PLPP3: variants seen among roughly 807,000 people sequenced by gnomAD.
PLPP3 encodes phospholipid phosphatase 3.
PLPP3 carries 6 observed loss-of-function variants against 29.6 expected under a neutral mutation model. That is an observed-to-expected ratio of 0.20 (90% CI 0.11 to 0.40). The LOEUF is 0.40. PLPP3 is among the 10% of genes least tolerant of loss of function. PLPP3 has a pLI of 1.00. For missense variants in PLPP3, 308 were observed against 407.7 expected (o/e 0.76, Z 2.11); for synonymous variants, 152 against 159.7 (o/e 0.95, Z 0.36).
chr1:56,562,106 G>C (rs535586274), intron 1 of PLPP3, among the ~76,000 whole-genome samples: 4 of 149,500 alleles, frequency 2.7e-5, no homozygotes, highest in Non-Finnish European at 5.9e-5. Context: ...AGAAAGAATG[G>C]CATGGTAGAA....
intron 5 of PLPP3, among the ~76,000 whole-genome samples, chr1:56,504,244 G>A (rs750348650): frequency 1.3e-5 from 2 of 152,170 alleles, no homozygotes; most frequent in African/African-American, 4.8e-5. Context: ...GTGGGAGGAC[G>A]GCTTGAGCCC....
At chr1:56,545,774 A>G (rs1434980493) in intron 1 of PLPP3, among the ~76,000 whole-genome samples, 1 of 152,020 alleles carries the variant, frequency 6.6e-6, no homozygotes, top group Admixed American at 6.6e-5. Context: ...TACACAAAAC[A>G]CCCCGTCTAT....
chr1:56,527,107 C>T (rs78616610), intron 2 of PLPP3, among the ~76,000 whole-genome samples: 10,886 of 152,204 alleles, frequency 0.072, 466 homozygotes, highest in Admixed American at 0.14. Flanking sequence ...TTTAGGGAGA[C>T]GGGGTTTGAT....
chr1:56,506,052 C>T (rs1418978), intron 5 of PLPP3, among the ~76,000 whole-genome samples: 92,316 of 152,080 alleles, frequency 0.61, 32,286 homozygotes, highest in Non-Finnish European at 0.77. Flanking sequence ...GGGCAAAGAG[C>T]TAGACTTCTG....
intron 1 of PLPP3, among the ~76,000 whole-genome samples, chr1:56,556,268 T>C (rs1646075889): frequency 6.6e-6 from 1 of 152,174 alleles, no homozygotes; most frequent in Non-Finnish European, 1.5e-5. Flanking sequence ...ATATGACTGG[T>C]GTCCCTATAA....
chr1:56,556,981 A>G lies in PLPP3; in HGVS notation c.140-19869T>C, dbSNP rs943426882. ...AAGAAAGAAAGAAAGAAAGAAAGAA[A>G]GAAAGAAAGAAAGAAAGAAAGAAAG... On this transcript the variant is annotated intron_variant, in intron 1 of 5. Transcript: ENST00000371250. Among the ~76,000 whole-genome samples the G allele has an allele frequency of 8.1e-3, 48 of 5,918 alleles. 2 individuals are homozygous for G. Among genetic ancestry groups the G allele is most frequent in the Non-Finnish European group, 0.014 (29 of 2,138 alleles). The allele number at this position is 5,918 out of a possible 152,430, so 3.9% of individuals were successfully genotyped here. A position where few individuals can be genotyped will look rare whatever the true frequency, so the allele number is the denominator to read the frequency against.
intron 1 of PLPP3, among the ~76,000 whole-genome samples, chr1:56,563,908 G>A (rs79789137): frequency 0.016 from 2,375 of 152,262 alleles, 34 homozygotes; most frequent in Non-Finnish European, 0.024. Context: ...TGGAGTTCAC[G>A]TCTATCCTCT....
chr1:56,528,241 G>T (rs535715907), intron 2 of PLPP3, among the ~76,000 whole-genome samples: 2 of 152,220 alleles, frequency 1.3e-5, no homozygotes, highest in African/African-American at 4.8e-5. Context: ...AGCTACAAGG[G>T]GACAGAAAGG....
chr1:56,509,660 T>C (rs898833472), intron 5 of PLPP3, among the ~76,000 whole-genome samples: 10 of 151,704 alleles, frequency 6.6e-5, no homozygotes, highest in Admixed American at 6.6e-4. Flanking sequence ...GCCAACACAG[T>C]GAAACCCCAT....
intron 1 of PLPP3, among the ~76,000 whole-genome samples, chr1:56,567,677 G>A (rs527284990): frequency 1.2e-3 from 178 of 152,230 alleles, no homozygotes; most frequent in African/African-American, 4.1e-3. Flanking sequence ...GATTACAGGC[G>A]TGAGCCACAG....
At chr1:56,567,988 A>C (rs6661359) in intron 1 of PLPP3, among the ~76,000 whole-genome samples, 12,486 of 152,294 alleles carry the variant, frequency 0.082, 946 homozygotes, top group East Asian at 0.24. Context: ...TACATGCTGC[A>C]ATATGAATGA....
intron 1 of PLPP3, among the ~76,000 whole-genome samples, chr1:56,544,798 A>G (rs1645994461): frequency 6.6e-6 from 1 of 152,196 alleles, no homozygotes; most frequent in Non-Finnish European, 1.5e-5. Flanking sequence ...TTGAAAGTGG[A>G]CAAGGGCAGA....
intron 5 of PLPP3, among the ~76,000 whole-genome samples, chr1:56,510,290 C>T (rs1645731480): frequency 6.6e-6 from 1 of 152,238 alleles, no homozygotes; most frequent in Non-Finnish European, 1.5e-5. Flanking sequence ...CACCAGAGAA[C>T]AAGCCGGTCA....
At chr1:56,523,909 G>A (rs1230149570) in intron 3 of PLPP3, 29 bp from the exon 4 acceptor site, 5 of 1,607,600 alleles carry the variant, frequency 3.1e-6, no homozygotes, top group South Asian at 1.1e-5. Flanking sequence ...GCCATGAAAG[G>A]GCCGTATTCA....
intron 5 of PLPP3, among the ~76,000 whole-genome samples, chr1:56,503,820 G>A (rs989122632): frequency 3.4e-4 from 51 of 152,068 alleles, no homozygotes; most frequent in Non-Finnish European, 2.1e-4. Context: ...TTGCTCTGTC[G>A]CTCAGGCTGG....
chr1:56,524,477 T>G lies in PLPP3; in HGVS notation c.375A>C (p.Ala125=). The change falls in exon 3 of 6, where the codon GCA becomes GCC. Residue 125 remains alanine (A), a synonymous_variant. Coordinates refer to ENST00000371250, the MANE Select transcript of PLPP3 (RefSeq NM_003713.5). The surrounding 1 kb of genome is among the most constrained non-coding windows in gnomAD (Gnocchi z 4.3). ...GGAAGCAGCCCACTTGCTTATAGAG[T>G]GCTGCCACGTAGGGGTTCTGAATCG... ...RSTIQNPYVA[A]LYKQVGCFLF... 6.2e-7 allele frequency: 1 copy of G among 1,613,904 alleles called. No individual in the cohort carries two copies. The highest frequency in any genetic ancestry group is 8.5e-7 in the Non-Finnish European group (1 of 1,179,924).
intron 1 of PLPP3, among the ~76,000 whole-genome samples, chr1:56,545,079 C>T (rs575461085): frequency 5.3e-5 from 8 of 152,340 alleles, no homozygotes; most frequent in Non-Finnish European, 1.2e-4. Context: ...AAATATCCTT[C>T]AAGACTTAAA....
chr1:56,538,979 G>GAAAAAAAAAAAAAAAAAAA (rs1553138011), intron 1 of PLPP3: 1 of 64,366 alleles, frequency 1.6e-5, no homozygotes, highest in African/African-American at 7.9e-5. Flanking sequence ...AAACACAGTG[G>GAAAAAAAAAAAAAAAAAAA]ATAATACAGC....
Position 56,496,428 on chromosome 1 carries a change from C to A in PLPP3, c.*123G>T. Reference sequence around the variant, plus strand: ...CACATAGTAAAACATTTTTTTTTTCCTTTTTAAAAATCAGTCGGGCAAAAG... The same window carrying A: ...CACATAGTAAAACATTTTTTTTTTCATTTTTAAAAATCAGTCGGGCAAAAG... On this transcript the variant is annotated 3_prime_UTR_variant, in exon 6 of 6. Transcript: ENST00000371250. The A allele has an allele frequency of 8.0e-7, 1 of 1,256,404 alleles. No individual in the cohort carries two copies. Among genetic ancestry groups the A allele is most frequent in the Non-Finnish European group, 1.1e-6 (1 of 918,032 alleles). The allele number at this position is 1,256,404 out of a possible 1,614,324, so 77.8% of individuals were successfully genotyped here.
Sources: allele counts gnomAD v4.1 joint callset (sites outside exome capture counted in the v4.1 genomes callset), GRCh38; gene constraint gnomAD v4.1.1; non-coding constraint Gnocchi (gnomAD v3.1); transcripts MANE v1.5; gene names NCBI Gene and HGNC (gene_info 2026-07-23, HGNC 2026-07-21).